The following ADGRL3 variants were observed in gnomAD, a reference collection of about 807,000 sequenced individuals.
The protein encoded by ADGRL3 is adhesion G protein-coupled receptor L3, also known as calcium-independent alpha-latrotoxin receptor 3.
Under a neutral mutation model 153.5 loss-of-function variants are expected in ADGRL3, and 62 were observed. The observed-to-expected ratio is 0.40, with a 90% confidence interval of 0.33 to 0.50. The LOEUF (loss-of-function observed/expected upper bound fraction) is 0.50. Among genes scored for constraint, ADGRL3 ranks in the 20% least tolerant of loss-of-function variants. The probability of loss-of-function intolerance (pLI) is 0.47; values close to 1 mark genes in which losing one functional copy is unlikely to be tolerated. For synonymous variants in ADGRL3, 710 were observed against 672.5 expected, an observed-to-expected ratio of 1.06 and a Z score of -0.86; for missense variants, 1,641 against 1,859.4, an observed-to-expected ratio of 0.88 and a Z score of 2.16.
rs528196626 is a variant in ADGRL3 at position 61,981,153 on chromosome 4, G to A, written c.3015+1381G>A. On this transcript the variant is annotated intron_variant, in intron 18 of 26. Coordinates refer to ENST00000683033, the MANE Select transcript of ADGRL3 (RefSeq NM_001387552.1). ...TTATTTCATAAACTTGTCTTTCTAA[G>A]GAACTACATATTGTCATTATTTTTT... Among the ~76,000 whole-genome samples the A allele has an allele frequency of 1.8e-4, 27 of 152,202 alleles. 1 individual carries two copies. In the South Asian group the frequency reaches 4.8e-3, roughly 27 times the overall value.
At chr4:61,250,588 C>T (rs1020361035) in intron 1 of ADGRL3, among the ~76,000 whole-genome samples, 2 of 152,082 alleles carry the variant, frequency 1.3e-5, no homozygotes, top group Admixed American at 6.5e-5. Context: ...CTAAGAATTG[C>T]CAGTTATTCA....
At chr4:61,926,307 A>T (rs901450544) in intron 13 of ADGRL3, among the ~76,000 whole-genome samples, 6 of 152,168 alleles carry the variant, frequency 3.9e-5, no homozygotes, top group Non-Finnish European at 7.3e-5. Flanking sequence ...TATGTTACTC[A>T]TACTGTCCAC....
chr4:61,913,786 A>T (rs1315207614), intron 13 of ADGRL3, among the ~76,000 whole-genome samples: 2 of 152,182 alleles, frequency 1.3e-5, no homozygotes, highest in African/African-American at 4.8e-5. Flanking sequence ...CTTAGTGAGC[A>T]TAAAATCATA....
chr4:61,744,935 A>C (rs9998958), intron 8 of ADGRL3, among the ~76,000 whole-genome samples: 88,102 of 151,918 alleles, frequency 0.58, 27,979 homozygotes, highest in African/African-American at 0.83. Context: ...GGAGGAAATT[A>C]AAACCAAAGG....
intron 1 of ADGRL3, among the ~76,000 whole-genome samples, chr4:61,258,569 G>T (rs2092221657): frequency 6.6e-6 from 1 of 152,164 alleles, no homozygotes; most frequent in African/African-American, 2.4e-5. Context: ...AGGTGCGTAG[G>T]TCTGTTTTAG....
intron 9 of ADGRL3, among the ~76,000 whole-genome samples, chr4:61,831,454 G>T (rs956094151): frequency 1.4e-5 from 2 of 144,864 alleles, no homozygotes; most frequent in South Asian, 2.2e-4. Context: ...GATGCTAAGT[G>T]GGGGATAACC....
In ADGRL3 at chr4:61,328,619, T is replaced by C; in HGVS notation, c.-239-54505T>C. ...TGCATTTATTTATTTGTTCATTTTA[T>C]ATTTTATTAACGATTAATTTGAGCT... is the stretch of plus-strand genomic sequence containing the variant. On this transcript the variant is annotated intron_variant, in intron 1 of 26. Coordinates refer to ENST00000683033, the MANE Select transcript of ADGRL3 (RefSeq NM_001387552.1). 1.3e-5 allele frequency among the ~76,000 whole-genome samples: 2 copies of C among 152,324 alleles called. 1 individual carries two copies. Among genetic ancestry groups the C allele is most frequent in the South Asian group, 4.1e-4 (2 of 4,826 alleles).
intron 17 of ADGRL3, among the ~76,000 whole-genome samples, chr4:61,948,894 C>A (rs1417920615): frequency 6.6e-6 from 1 of 151,824 alleles, no homozygotes; most frequent in Non-Finnish European, 1.5e-5. Context: ...GAGATGGAGT[C>A]TATGAGTTTG....
intron 21 of ADGRL3, among the ~76,000 whole-genome samples, chr4:62,028,071 C>G (rs1719808416): frequency 6.6e-6 from 1 of 151,680 alleles, no homozygotes; most frequent in Non-Finnish European, 1.5e-5. Flanking sequence ...ACTATCTTGC[C>G]TCTGGCAAGA....
intron 1 of ADGRL3, among the ~76,000 whole-genome samples, chr4:61,315,463 T>G (rs534637514): frequency 6.6e-6 from 1 of 152,270 alleles, no homozygotes; most frequent in African/African-American, 2.4e-5. Context: ...GCTCAGGATG[T>G]TAGGCAAGGG....
intron 5 of ADGRL3, among the ~76,000 whole-genome samples, chr4:61,602,787 T>G (rs1241332678): frequency 6.6e-6 from 1 of 152,180 alleles, no homozygotes; most frequent in Non-Finnish European, 1.5e-5. Context: ...CAAAACAGTT[T>G]ATCCTTCACT....
chr4:61,404,428 G>C lies in ADGRL3; in HGVS notation c.-174+21239G>C, dbSNP rs191264239. ...ACTAGTACCTTGCTGCTTTCCAATT[G>C]CAACTGACTTTTTGCTGTACAAAAA... On this transcript the variant is annotated intron_variant, in intron 2 of 26. Transcript: ENST00000683033. Among the ~76,000 whole-genome samples, 994 of 152,020 alleles carry C rather than the reference G, an allele frequency of 6.5e-3. 12 individuals carry two copies. Among genetic ancestry groups the C allele is most frequent in the African/African-American group, 0.022 (927 of 41,472 alleles).
chr4:61,296,075 G>C (rs2094402529), intron 1 of ADGRL3, among the ~76,000 whole-genome samples: 1 of 152,172 alleles, frequency 6.6e-6, no homozygotes, highest in Non-Finnish European at 1.5e-5. Flanking sequence ...AAGGTAAATT[G>C]ATTTTGGTGG....
chr4:61,383,279 T>A (rs2096693737), intron 2 of ADGRL3, 90 bp downstream of exon 2: 2 of 151,750 alleles, frequency 1.3e-5, no homozygotes, highest in Non-Finnish European at 3.0e-5. Flanking sequence ...TTTGAGTCTT[T>A]ATCATATTGA....
intron 19 of ADGRL3, among the ~76,000 whole-genome samples, chr4:61,992,858 A>G (rs565724638): frequency 2.0e-5 from 3 of 152,344 alleles, no homozygotes; most frequent in Non-Finnish European, 2.9e-5. Context: ...TTGCAAGGCT[A>G]TAATTTTACT....
intron 22 of ADGRL3, among the ~76,000 whole-genome samples, chr4:62,031,198 T>G (rs563609450): frequency 2.6e-4 from 39 of 151,762 alleles, no homozygotes; most frequent in African/African-American, 9.2e-4. Context: ...TAATTTATGG[T>G]ACAAATCTGC....
intron 13 of ADGRL3, among the ~76,000 whole-genome samples, chr4:61,925,419 C>T (rs1372768233): frequency 2.6e-5 from 4 of 152,068 alleles, no homozygotes; most frequent in Non-Finnish European, 5.9e-5. Flanking sequence ...ATTTATGATG[C>T]GTGCATTGTA....
At chr4:61,727,538 A>C (rs2096370570) in intron 6 of ADGRL3, among the ~76,000 whole-genome samples, 1 of 152,116 alleles carries the variant, frequency 6.6e-6, no homozygotes, top group African/African-American at 2.4e-5. Flanking sequence ...GTCATCATGC[A>C]ATTCATTTAT....
chr4:61,297,368 A>G lies in ADGRL3; in HGVS notation c.-239-85756A>G, dbSNP rs2150277284. Among the ~76,000 whole-genome samples the G allele has an allele frequency of 2.0e-5, 3 of 152,212 alleles. No homozygotes were observed. In the Middle Eastern group the frequency reaches 0.01, roughly 518 times the overall value. On this transcript the variant is annotated intron_variant, in intron 1 of 26. Transcript: ENST00000683033. Reference sequence around the variant, plus strand: ...TATTAGTTTGCATGTGCCTCATATAATATATGCTAAATTGCCGATTTCAGT... The same window carrying G: ...TATTAGTTTGCATGTGCCTCATATAGTATATGCTAAATTGCCGATTTCAGT...
Sources: gnomAD v4.1 joint callset for allele counts (sites outside exome capture counted in the v4.1 genomes callset) on GRCh38, gnomAD v4.1.1 for gene constraint, MANE v1.5 for transcripts, NCBI Gene and HGNC (gene_info 2026-07-23, HGNC 2026-07-21) for gene names.